Variants in TET3 observed in about 807,000 individuals in gnomAD.
The protein encoded by TET3 is tet methylcytosine dioxygenase 3, also known as methylcytosine dioxygenase TET3.
A neutral mutation model predicts 141.4 loss-of-function variants in TET3; 19 were observed. That is an observed-to-expected ratio of 0.13 (90% CI 0.09 to 0.20). The LOEUF (loss-of-function observed/expected upper bound fraction) is 0.20, where lower values mean the gene tolerates loss of function less well. Ranked by LOEUF, TET3 falls within the 10% of genes least tolerant of loss-of-function variation. The probability of loss-of-function intolerance (pLI) is 1.00; values close to 1 mark genes in which losing one functional copy is unlikely to be tolerated. For synonymous variants in TET3, 1,043 were observed against 980.9 expected, an observed-to-expected ratio of 1.06 and a Z score of -1.18; for missense variants, 1,874 against 2,356.9, an observed-to-expected ratio of 0.80 and a Z score of 4.24.
intron 6 of TET3, among the ~76,000 whole-genome samples, chr2:74,086,951 T>C (rs1264556283): frequency 6.6e-6 from 1 of 152,146 alleles, no homozygotes; most frequent in African/African-American, 2.4e-5. Context: ...ACTGAAACTC[T>C]GCACCCATTA....
At position 74,103,940 on chromosome 2, in the gene TET3, C is replaced by G. The variant is rs557467528; in HGVS notation, c.*1764C>G. 6.5e-6 allele frequency: 1 copy of G among 153,740 alleles called. No homozygotes were observed. The highest frequency in any genetic ancestry group is 2.1e-4 in the South Asian group (1 of 4,808). 9.5% of individuals were successfully genotyped at this position (153,740 alleles called of 1,614,324 possible). A position where few individuals can be genotyped will look rare whatever the true frequency, so the allele number is the denominator to read the frequency against. On this transcript the variant is annotated 3_prime_UTR_variant, in exon 12 of 12. Coordinates refer to ENST00000409262, the MANE Select transcript of TET3 (RefSeq NM_001287491.2). ...GAATCATGTTTAACAATCAGATGAC[C>G]GCTATAGGCAAGTTCCTGAGCTTCC...
At chr2:74,032,459 G>C (rs867356798) in intron 3 of TET3, among the ~76,000 whole-genome samples, 7 of 37,514 alleles carry the variant, frequency 1.9e-4, no homozygotes, top group Admixed American at 3.6e-4. Flanking sequence ...CTCTGTGTGT[G>C]TGTGTGTGTG....
intron 2 of TET3, among the ~76,000 whole-genome samples, chr2:73,997,730 C>T (rs1160106128): frequency 1.3e-5 from 2 of 152,206 alleles, no homozygotes; most frequent in East Asian, 1.9e-4. Context: ...CAGCAAACCT[C>T]GCCTGGGACT....
the TET3 span, chr2:74,121,479 G>C: frequency 6.6e-6 from 1 of 152,220 alleles, no homozygotes; most frequent in African/African-American, 2.4e-5. Flanking sequence ...GTCAGAGTGT[G>C]AGCCTCCTGG....
the TET3 span, among the ~76,000 whole-genome samples, chr2:74,114,853 C>CAAAAAAAAAAAAAAAAAAAAAAAA: frequency 2.3e-4 from 10 of 43,876 alleles, 1 homozygote; most frequent in Admixed American, 3.5e-4. Flanking sequence ...GACTCTGTCT[C>CAAAAAAAAAAAAAAAAAAAAAAAA]AAAAAAAAAA....
the TET3 span, among the ~76,000 whole-genome samples, chr2:74,124,463 C>A: frequency 6.6e-6 from 1 of 151,994 alleles, no homozygotes; most frequent in Non-Finnish European, 1.5e-5. Flanking sequence ...GAACTGGCCA[C>A]GATGACGATG....
At chr2:74,132,510 C>T in the TET3 span, among the ~76,000 whole-genome samples, 4 of 152,204 alleles carry the variant, frequency 2.6e-5, no homozygotes, top group Non-Finnish European at 5.9e-5. Context: ...GCCTCAGCCT[C>T]CAGAGTTGCT....
At chr2:74,078,092 T>C (rs1182181332) in intron 5 of TET3, among the ~76,000 whole-genome samples, 1 of 152,178 alleles carries the variant, frequency 6.6e-6, no homozygotes, top group Non-Finnish European at 1.5e-5. Flanking sequence ...ATCCTTTTGC[T>C]AAGATCTTGA....
intron 4 of TET3, 95 bp downstream of exon 4, chr2:74,048,506 AT>A: frequency 7.5e-7 from 1 of 1,327,778 alleles, no homozygotes. Flanking sequence ...GCAAACATTT[AT>A]TTGTGCCAAC....
intron 3 of TET3, among the ~76,000 whole-genome samples, chr2:74,003,424 G>GTTTT (rs768499958): frequency 6.1e-5 from 8 of 130,170 alleles, no homozygotes; most frequent in African/African-American, 2.0e-4. Context: ...TTGTTGAACT[G>GTTTT]TTTTTTTTTT....
chr2:74,053,854 T>C (rs1399387212), intron 4 of TET3, among the ~76,000 whole-genome samples: 1 of 150,216 alleles, frequency 6.7e-6, no homozygotes, highest in Non-Finnish European at 1.5e-5. Flanking sequence ...CCCCACTGCA[T>C]TGAGATGAAG....
chr2:73,986,133 C>T lies in TET3; in HGVS notation c.-271C>T, dbSNP rs72905215. Reference sequence around the variant, plus strand: ...AGAACCCACCGGGCCAAGATGATCCCTTTTCTGAGGGCTGCTGCTGGTGTC... The same window carrying T: ...AGAACCCACCGGGCCAAGATGATCCTTTTTCTGAGGGCTGCTGCTGGTGTC... On this transcript the variant is annotated 5_prime_UTR_variant, in exon 2 of 12. Coordinates refer to ENST00000409262, the MANE Select transcript of TET3 (RefSeq NM_001287491.2). The T allele has an allele frequency of 2.9e-4, 94 of 319,172 alleles. No homozygotes were observed. Among genetic ancestry groups the T allele is most frequent in the African/African-American group, 1.6e-3 (74 of 47,130 alleles). The allele number at this position is 319,172 out of a possible 1,614,324, so 19.8% of individuals were successfully genotyped here.
At chr2:73,996,175 G>A (rs143599248) in intron 2 of TET3, among the ~76,000 whole-genome samples, 4 of 152,264 alleles carry the variant, frequency 2.6e-5, no homozygotes, top group African/African-American at 4.8e-5. Flanking sequence ...GTGACTGGGC[G>A]GGCCGGAAGA....
chr2:74,126,658 C>T, the TET3 span, among the ~76,000 whole-genome samples: 1 of 151,990 alleles, frequency 6.6e-6, no homozygotes, highest in South Asian at 2.1e-4. Context: ...CCCGCCACCA[C>T]TCCCGGCTAA....
intron 4 of TET3, among the ~76,000 whole-genome samples, chr2:74,063,904 A>AAAAT (rs1688735723): frequency 6.6e-6 from 1 of 151,960 alleles, no homozygotes; most frequent in African/African-American, 2.4e-5. Context: ...AAAAAAAAAA[A>AAAAT]AAAAATAAGT....
chr2:74,044,339 A>G (rs1687501093), intron 3 of TET3, among the ~76,000 whole-genome samples: 1 of 152,212 alleles, frequency 6.6e-6, no homozygotes, highest in South Asian at 2.1e-4. Context: ...CCAAATGTGT[A>G]GGTTTTGTCT....
At chr2:74,066,537 G>T (rs1006896057) in intron 4 of TET3, among the ~76,000 whole-genome samples, 2 of 152,186 alleles carry the variant, frequency 1.3e-5, no homozygotes, top group Admixed American at 1.3e-4. Flanking sequence ...TTTGTTGTCA[G>T]ATTTCTTCTC....
chr2:74,049,525 A>T (rs1687826846), intron 4 of TET3, among the ~76,000 whole-genome samples: 1 of 152,024 alleles, frequency 6.6e-6, no homozygotes, highest in Non-Finnish European at 1.5e-5. Context: ...CTGTTTAGGG[A>T]GTGTTCTGTA....
rs528376265 is a variant in TET3, at chr2:74,047,139, G to A, written c.1222G>A (p.Val408Met). ...QSYLRAPSWP[V>M]VPPEEHSSFA... ...TTACCTCCGGGCTCCCTCATGGCCT[G>A]TGGTTCCTCCTGAAGAGCACTCATC... Residue 408 changes from valine to methionine, a missense_variant, in exon 4 of 12, where the codon GTG becomes ATG. Coordinates refer to ENST00000409262, the MANE Select transcript of TET3 (RefSeq NM_001287491.2). 1.5e-5 allele frequency: 24 copies of A among 1,613,864 alleles called. No homozygotes were observed. In the East Asian group the frequency reaches 5.1e-4, roughly 34 times the overall value.
Sources: gnomAD v4.1 joint callset for allele counts (sites outside exome capture counted in the v4.1 genomes callset) on GRCh38, gnomAD v4.1.1 for gene constraint, MANE v1.5 for transcripts, NCBI Gene and HGNC (gene_info 2026-07-23, HGNC 2026-07-21) for gene names.